The following RDX variants were observed in gnomAD, a reference collection of about 807,000 sequenced individuals.
RDX encodes the protein deafness, autosomal recessive 24.
In RDX, 32 loss-of-function variants were observed where a neutral mutation model predicts 83.7. That is an observed-to-expected ratio of 0.38 (90% confidence interval 0.29 to 0.51). The LOEUF is 0.51. Ranked by LOEUF, RDX falls within the 20% of genes least tolerant of loss-of-function variation. The probability of loss-of-function intolerance (pLI) is 0.87; values close to 1 mark genes in which losing one functional copy is unlikely to be tolerated. For synonymous variants in RDX, 229 were observed against 222.7 expected (o/e 1.03, Z -0.25); for missense variants, 600 against 689.9 (o/e 0.87, Z 1.46).
chr11:110,264,587 AT>A (rs1481631199), intron 4 of RDX, among the ~76,000 whole-genome samples, 191 bp downstream of exon 4: 3 of 149,986 alleles, frequency 2.0e-5, no homozygotes, highest in Non-Finnish European at 4.4e-5. Flanking sequence ...AAAAGTAAGC[AT>A]TTCTTTTTTT....
rs756213409 is a variant in RDX, at chr11:110,254,032, G to A, written c.873C>T (p.Tyr291=). The A allele has an allele frequency of 3.1e-6, 5 of 1,613,480 alleles. No homozygotes were observed. Among genetic ancestry groups the A allele is most frequent in the Non-Finnish European group, 4.2e-6 (5 of 1,179,774 alleles). The change falls in exon 9 of 14, where the codon TAC becomes TAT. Residue 291 remains tyrosine (Y), a synonymous_variant. Coordinates refer to ENST00000645495, the MANE Select transcript of RDX (RefSeq NM_002906.4). ...TAGTATCAGGCTTCCTTCTTCGCAT[G>A]TATAGTTCATGGTTTCCCATACATA... ...LALCMGNHEL[Y]MRRRKPDTIE...
chr11:110,257,756 A>C lies in RDX; in HGVS notation c.698+11T>G. ...ACAATGACTAGTTCACTATGCAACT[A>C]ATTTACTTACTTGTCGTCATGCTCA... On this transcript the variant is annotated intron_variant, in intron 7 of 13. Coordinates refer to ENST00000645495, the MANE Select transcript of RDX (RefSeq NM_002906.4). The C allele has an allele frequency of 1.2e-6, 2 of 1,611,344 alleles. No homozygotes were observed. Among genetic ancestry groups the C allele is most frequent in the Non-Finnish European group, 1.7e-6 (2 of 1,179,370 alleles).
rs1455271203 is a variant in RDX, at chr11:110,260,076, T to A, written c.468-1887A>T. Among the ~76,000 whole-genome samples, 4 of 151,590 alleles carry A rather than the reference T, an allele frequency of 2.6e-5. No homozygotes were observed. In the East Asian group the frequency reaches 5.9e-4, roughly 22 times the overall value. ...ATCTCGGCTCACTGCAAACTCCACC[T>A]CCCGGGTTCAAGCGATTCTCCTGCC... On this transcript the variant is annotated intron_variant, in intron 5 of 13. Coordinates refer to ENST00000645495, the MANE Select transcript of RDX (RefSeq NM_002906.4).
chr11:110,264,707 A>G, intron 4 of RDX, 72 bp downstream of exon 4: 1 of 1,106,720 alleles, frequency 9.0e-7, no homozygotes, highest in South Asian at 1.3e-5. Flanking sequence ...AGTCAGACTT[A>G]GCTTTTCCAG....
intron 10 of RDX, among the ~76,000 whole-genome samples, chr11:110,242,540 G>A (rs1865142374): frequency 6.6e-6 from 1 of 150,506 alleles, no homozygotes; most frequent in Admixed American, 6.6e-5. Flanking sequence ...ACAAAAAAGA[G>A]AAATAAGTCT....
chr11:110,237,938 G>A, intron 10 of RDX: 1 of 306,276 alleles, frequency 3.3e-6, no homozygotes, highest in Admixed American at 4.4e-5. Flanking sequence ...TTTCCAACTT[G>A]GCAAAAGCCT....
chr11:110,246,359 G>C (rs1248320586), intron 10 of RDX, among the ~76,000 whole-genome samples: 2 of 152,178 alleles, frequency 1.3e-5, no homozygotes, highest in African/African-American at 4.8e-5. Context: ...CTCCACCACA[G>C]CAGGCTGGTG....
At chr11:110,274,870 C>A (rs1186036733) in intron 2 of RDX, among the ~76,000 whole-genome samples, 2 of 152,188 alleles carry the variant, frequency 1.3e-5, no homozygotes, top group African/African-American at 4.8e-5. Flanking sequence ...AAGAACAATA[C>A]TGCTATGAAC....
downstream of RDX, among the ~76,000 whole-genome samples, chr11:110,225,484 C>G (rs1353819603): frequency 6.6e-6 from 1 of 151,750 alleles, no homozygotes; most frequent in Non-Finnish European, 1.5e-5. Flanking sequence ...ATATAAATGG[C>G]CAATAAACAC....
chr11:110,224,716 C>T (rs967245414), downstream of RDX, among the ~76,000 whole-genome samples: 3 of 152,184 alleles, frequency 2.0e-5, no homozygotes, highest in East Asian at 3.8e-4. Context: ...GAAGAAAATA[C>T]ATTACCACAA....
chr11:110,216,497 C>G (rs1864056871), intron 14 of RDX, among the ~76,000 whole-genome samples: 1 of 151,580 alleles, frequency 6.6e-6, no homozygotes, highest in Admixed American at 6.6e-5. Flanking sequence ...CTCAGCCTCC[C>G]AAGTAGCTGA....
intron 14 of RDX, among the ~76,000 whole-genome samples, chr11:110,219,132 C>T (rs776447285): frequency 1.5e-4 from 23 of 152,094 alleles, no homozygotes; most frequent in Non-Finnish European, 3.1e-4. Flanking sequence ...TTGTAAAAGG[C>T]GGCCTCATTG....
chr11:110,285,985 T>C (rs906694128), intron 1 of RDX, among the ~76,000 whole-genome samples: 2 of 152,092 alleles, frequency 1.3e-5, no homozygotes, highest in Non-Finnish European at 2.9e-5. Context: ...GACACATATT[T>C]ATATACCAAA....
chr11:110,263,938 T>C lies in RDX; in HGVS notation c.467+22A>G, dbSNP rs1323758486. 5.0e-6 allele frequency: 8 copies of C among 1,606,712 alleles called. No homozygotes were observed. The South Asian group carries it at 6.6e-5, about 13-fold the overall frequency. On this transcript the variant is annotated intron_variant, in intron 5 of 13. Coordinates refer to ENST00000645495, the MANE Select transcript of RDX (RefSeq NM_002906.4). ...AGAATACAATTTTCAGACAATATAA[T>C]GCAAACGCATGTTTCACTTACCGCT...
At chr11:110,181,137 C>T (rs1862878599) in intron 15 of RDX, among the ~76,000 whole-genome samples, 1 of 150,576 alleles carries the variant, frequency 6.6e-6, no homozygotes, top group African/African-American at 2.5e-5. Context: ...GCTACACACA[C>T]ACACGCACAC....
chr11:110,181,592 C>T (rs1314124223), intron 15 of RDX, among the ~76,000 whole-genome samples: 1 of 152,248 alleles, frequency 6.6e-6, no homozygotes, highest in Non-Finnish European at 1.5e-5. Flanking sequence ...AGCAGAGCCT[C>T]AGGGCTTGGC....
At position 110,257,113 on chromosome 11, in the gene RDX, A is replaced by G. The variant is rs11822871; in HGVS notation, c.698+654T>C. 9.4e-3 allele frequency among the ~76,000 whole-genome samples: 1,422 copies of G among 151,434 alleles called. 30 individuals are homozygous for G. The highest frequency in any genetic ancestry group is 0.033 in the African/African-American group (1,352 of 41,176). ...TATGTGTATAATATACCGTCTCTATATAGTATTTACCCATGTATTTGTATA... is the reference window on the plus strand; with the variant it reads ...TATGTGTATAATATACCGTCTCTATGTAGTATTTACCCATGTATTTGTATA... On this transcript the variant is annotated intron_variant, in intron 7 of 13. Coordinates refer to ENST00000645495, the MANE Select transcript of RDX (RefSeq NM_002906.4).
chr11:110,282,953 G>A (rs76701716), intron 1 of RDX, among the ~76,000 whole-genome samples: 1 of 151,694 alleles, frequency 6.6e-6, no homozygotes, highest in African/African-American at 2.4e-5. Context: ...ACCCAGCCTG[G>A]GCAACAGGGC....
Position 110,231,734 on chromosome 11 carries a change from T to G in RDX, c.*135A>C. Reference sequence around the variant, plus strand: ...AATGTTGAAGAGCTCCCCTTAAATTTGTCTTTTAGCTAGCACAGTCAAACT... The same window carrying G: ...AATGTTGAAGAGCTCCCCTTAAATTGGTCTTTTAGCTAGCACAGTCAAACT... On this transcript the variant is annotated 3_prime_UTR_variant, in exon 14 of 14. Coordinates refer to ENST00000645495, the MANE Select transcript of RDX (RefSeq NM_002906.4). 2.2e-6 allele frequency: 2 copies of G among 925,802 alleles called. No homozygotes were observed. The allele number at this position is 925,802 out of a possible 1,614,324, so 57.3% of individuals were successfully genotyped here. A position where few individuals can be genotyped will look rare whatever the true frequency, so the allele number is the denominator to read the frequency against.
Sources: gnomAD v4.1 joint callset for allele counts (sites outside exome capture counted in the v4.1 genomes callset) on GRCh38, gnomAD v4.1.1 for gene constraint, MANE v1.5 for transcripts, NCBI Gene and HGNC (gene_info 2026-07-23, HGNC 2026-07-21) for gene names.